Variants in RBFOX1 observed in about 807,000 individuals in gnomAD.
The protein encoded by RBFOX1 is RNA binding protein fox-1 homolog 1.
In RBFOX1, 8 loss-of-function variants were observed where a neutral mutation model predicts 57.7. That is an observed-to-expected ratio of 0.14 (90% CI 0.08 to 0.25). The LOEUF is 0.25. Ranked by LOEUF, RBFOX1 falls within the 10% of genes least tolerant of loss-of-function variation. The pLI, the probability that RBFOX1 is intolerant of heterozygous loss-of-function variation, is 1.00. For missense variants in RBFOX1, 611 were observed against 548.5 expected (o/e 1.11, Z -1.14); for synonymous variants, 326 against 222.4 (o/e 1.47, Z -4.15).
intron 3 of RBFOX1, among the ~76,000 whole-genome samples, chr16:6,919,972 A>C (rs893420438): frequency 6.6e-6 from 1 of 151,886 alleles, no homozygotes; most frequent in Admixed American, 6.6e-5. Flanking sequence ...AGTCCATTAC[A>C]TCATTCTTGC....
chr16:6,051,669 T>G (rs1466175952), intron 1 of RBFOX1, among the ~76,000 whole-genome samples: 4 of 152,168 alleles, frequency 2.6e-5, no homozygotes, highest in African/African-American at 9.7e-5. Context: ...GTTCAAGCAA[T>G]GTTCCTGCCT....
chr16:5,461,716 C>T (rs576599658), intron 1 of RBFOX1, among the ~76,000 whole-genome samples: 1 of 152,056 alleles, frequency 6.6e-6, no homozygotes. Context: ...CCTAATGAAA[C>T]AGTGTAGTGA....
intron 3 of RBFOX1, among the ~76,000 whole-genome samples, chr16:7,038,921 T>A (rs2045329125): frequency 6.6e-6 from 1 of 152,206 alleles, no homozygotes; most frequent in Admixed American, 6.5e-5. Context: ...TCTGTGGGCA[T>A]CCTGACCTCT....
intron 3 of RBFOX1, among the ~76,000 whole-genome samples, chr16:6,788,694 C>G (rs959705381): frequency 1.2e-4 from 18 of 151,946 alleles, no homozygotes; most frequent in Admixed American, 3.9e-4. Context: ...CCAGGATGGT[C>G]TCTATCTCCT....
intron 1 of RBFOX1, among the ~76,000 whole-genome samples, chr16:6,224,017 T>A (rs1351146649): frequency 6.6e-6 from 1 of 152,228 alleles, no homozygotes; most frequent in Admixed American, 6.5e-5. Flanking sequence ...GTTGTAGATA[T>A]GCGGCGTTAT....
intron 3 of RBFOX1, among the ~76,000 whole-genome samples, chr16:5,669,421 G>A (rs1039400085): frequency 4.3e-5 from 3 of 69,436 alleles, no homozygotes; most frequent in Non-Finnish European, 9.3e-5. Context: ...GAACAAGTTG[G>A]CTTTTTTTTT....
At chr16:5,347,733 C>T (rs1432450959) in intron 1 of RBFOX1, among the ~76,000 whole-genome samples, 2 of 150,634 alleles carry the variant, frequency 1.3e-5, no homozygotes, top group Non-Finnish European at 3.0e-5. Flanking sequence ...TCCTCCCATC[C>T]ACCCCTGCCC....
At chr16:6,420,232 A>C (rs1441563164) in intron 2 of RBFOX1, among the ~76,000 whole-genome samples, 1 of 152,118 alleles carries the variant, frequency 6.6e-6, no homozygotes, top group Non-Finnish European at 1.5e-5. Flanking sequence ...CCTTCAGCAA[A>C]ATTATAGATG....
At chr16:5,462,635 A>T (rs940474596) in intron 1 of RBFOX1, among the ~76,000 whole-genome samples, 3 of 152,188 alleles carry the variant, frequency 2.0e-5, no homozygotes, top group Admixed American at 6.5e-5. Flanking sequence ...GGAATTTTGG[A>T]TGCTGATCAG....
At chr16:6,561,313 T>C (rs750801702) in intron 2 of RBFOX1, among the ~76,000 whole-genome samples, 6 of 152,184 alleles carry the variant, frequency 3.9e-5, no homozygotes, top group Non-Finnish European at 7.3e-5. Flanking sequence ...GTTTCAGAAT[T>C]AATATGCATG....
chr16:6,789,555 G>A (rs958353052), intron 3 of RBFOX1, among the ~76,000 whole-genome samples: 1 of 152,176 alleles, frequency 6.6e-6, no homozygotes, highest in African/African-American at 2.4e-5. Context: ...GCACTCAATA[G>A]GCGCCATTTT....
intron 3 of RBFOX1, among the ~76,000 whole-genome samples, chr16:5,639,139 G>T (rs757624492): frequency 6.6e-6 from 1 of 152,056 alleles, no homozygotes; most frequent in Non-Finnish European, 1.5e-5. Flanking sequence ...CTGATCCTGC[G>T]GTACAATACA....
chr16:6,636,691 C>G (rs2098436424), intron 2 of RBFOX1, among the ~76,000 whole-genome samples: 1 of 147,368 alleles, frequency 6.8e-6, no homozygotes, highest in East Asian at 2.0e-4. Context: ...CATTTATATT[C>G]TATTTGATTG....
chr16:5,763,875 G>T (rs2053676989), intron 3 of RBFOX1, among the ~76,000 whole-genome samples: 1 of 152,020 alleles, frequency 6.6e-6, no homozygotes. Context: ...CCTTCTTTTG[G>T]GTTTCCCAGA....
intron 3 of RBFOX1, among the ~76,000 whole-genome samples, chr16:6,879,778 T>C (rs1282726434): frequency 1.3e-5 from 2 of 152,242 alleles, no homozygotes; most frequent in African/African-American, 4.8e-5. Context: ...ACCCTTCCTC[T>C]GATTTGACAT....
chr16:7,367,168 G>A (rs1257721825), intron 4 of RBFOX1, among the ~76,000 whole-genome samples: 1 of 152,012 alleles, frequency 6.6e-6, no homozygotes, highest in Non-Finnish European at 1.5e-5. Flanking sequence ...AGGTGGTGTT[G>A]GCAATGACAC....
chr16:6,213,199 A>G (rs1024092165), intron 1 of RBFOX1, among the ~76,000 whole-genome samples: 1 of 151,874 alleles, frequency 6.6e-6, no homozygotes, highest in African/African-American at 2.4e-5. Flanking sequence ...TTTCTTTTTT[A>G]TGACCCAGTG....
chr16:6,032,277 A>G (rs972305083), intron 1 of RBFOX1, among the ~76,000 whole-genome samples: 5 of 152,132 alleles, frequency 3.3e-5, no homozygotes, highest in African/African-American at 1.2e-4. Flanking sequence ...CATTTGTTCA[A>G]CATTTTGAGA....
At chr16:7,250,145 T>C (rs2094453443) in intron 4 of RBFOX1, among the ~76,000 whole-genome samples, 3 of 152,262 alleles carry the variant, frequency 2.0e-5, no homozygotes, top group Non-Finnish European at 2.9e-5. Context: ...AAGCCTTTTA[T>C]TGATTTTCGA....
Sources: gnomAD v4.1 joint callset for allele counts (sites outside exome capture counted in the v4.1 genomes callset) on GRCh38, gnomAD v4.1.1 for gene constraint, MANE v1.5 for transcripts, NCBI Gene and HGNC (gene_info 2026-07-23, HGNC 2026-07-21) for gene names.